Variants in RABGAP1L observed in about 807,000 individuals in gnomAD.
The protein encoded by RABGAP1L is RAB GTPase activating protein 1 like.
In RABGAP1L, 63 loss-of-function variants were observed where a neutral mutation model predicts 137.7. That is an observed-to-expected ratio of 0.46 (90% CI 0.37 to 0.56). RABGAP1L has a LOEUF of 0.56. Among genes scored for constraint, RABGAP1L ranks in the 20% least tolerant of loss-of-function variants. The probability of loss-of-function intolerance (pLI) is 0.00; values close to 1 mark genes in which losing one functional copy is unlikely to be tolerated. For missense variants in RABGAP1L, 1,095 were observed against 1,244.0 expected, an observed-to-expected ratio of 0.88 and a Z score of 1.80; for synonymous variants, 431 against 433.7, an observed-to-expected ratio of 0.99 and a Z score of 0.08.
At chr1:174,543,540 CTT>C (rs1219542257) in intron 13 of RABGAP1L, among the ~76,000 whole-genome samples, 2 of 152,182 alleles carry the variant, frequency 1.3e-5, no homozygotes, top group African/African-American at 4.8e-5. Flanking sequence ...GTTCTTGACT[CTT>C]TATCCAATTT....
intron 18 of RABGAP1L, among the ~76,000 whole-genome samples, chr1:174,763,079 C>T (rs1355433304): frequency 2.0e-5 from 3 of 151,752 alleles, no homozygotes; most frequent in South Asian, 4.2e-4. Flanking sequence ...CCTCCCAAAG[C>T]GCTAGGATTA....
At chr1:174,617,542 T>C (rs1375096434) in intron 13 of RABGAP1L, among the ~76,000 whole-genome samples, 1 of 152,224 alleles carries the variant, frequency 6.6e-6, no homozygotes, top group Non-Finnish European at 1.5e-5. Flanking sequence ...ATTGATGTTG[T>C]TGTGATCCAT....
chr1:174,623,696 C>T (rs577754424), intron 13 of RABGAP1L, among the ~76,000 whole-genome samples: 14 of 152,306 alleles, frequency 9.2e-5, no homozygotes, highest in Admixed American at 3.3e-4. Context: ...CACATATTAC[C>T]TATGTGGCTG....
chr1:174,976,742 C>A (rs1670676342), intron 22 of RABGAP1L, among the ~76,000 whole-genome samples: 1 of 152,142 alleles, frequency 6.6e-6, no homozygotes, highest in Non-Finnish European at 1.5e-5. Flanking sequence ...TTGAAGTTAG[C>A]ACCCTACACT....
chr1:174,332,714 T>C (rs576221897), intron 11 of RABGAP1L, among the ~76,000 whole-genome samples: 2 of 152,022 alleles, frequency 1.3e-5, no homozygotes, highest in East Asian at 1.9e-4. Flanking sequence ...GGAACTCTTA[T>C]ATGCTATTGG....
chr1:174,961,566 C>T (rs979383883), intron 20 of RABGAP1L, among the ~76,000 whole-genome samples: 5 of 152,066 alleles, frequency 3.3e-5, no homozygotes, highest in African/African-American at 9.7e-5. Context: ...GCTAATTGGC[C>T]GGGCATGGTG....
chr1:174,719,676 A>G (rs1412275306), intron 17 of RABGAP1L, among the ~76,000 whole-genome samples: 1 of 152,200 alleles, frequency 6.6e-6, no homozygotes, highest in Non-Finnish European at 1.5e-5. Flanking sequence ...ACTGGGATGA[A>G]CTGCAGAGTA....
chr1:174,627,904 G>T (rs1373377544), intron 13 of RABGAP1L, among the ~76,000 whole-genome samples: 3 of 151,792 alleles, frequency 2.0e-5, no homozygotes, highest in Non-Finnish European at 4.4e-5. Context: ...TGGTGGTGAT[G>T]GTCCAGAAAG....
At position 174,534,657 on chromosome 1, in the gene RABGAP1L, C is replaced by T. The variant is rs1329415044; in HGVS notation, c.1711-102718C>T. 3.3e-5 allele frequency among the ~76,000 whole-genome samples: 5 copies of T among 151,286 alleles called. No homozygotes were observed. The South Asian group carries it at 6.3e-4, about 19-fold the overall frequency. On this transcript the variant is annotated intron_variant, in intron 13 of 25. Coordinates refer to ENST00000681986, the MANE Select transcript of RABGAP1L (RefSeq NM_001366446.1). Reference sequence around the variant, plus strand: ...GGGCATGGTGTCATGTACCTATAATCGCATCTACTCGGGAGGCTGAGGCAG... The same window carrying T: ...GGGCATGGTGTCATGTACCTATAATTGCATCTACTCGGGAGGCTGAGGCAG...
intron 13 of RABGAP1L, among the ~76,000 whole-genome samples, chr1:174,527,860 A>C (rs934133972): frequency 2.8e-5 from 4 of 143,360 alleles, no homozygotes; most frequent in Admixed American, 6.9e-5. Flanking sequence ...ATATCCTCTT[A>C]TCCTCCTCCT....
intron 13 of RABGAP1L, among the ~76,000 whole-genome samples, chr1:174,417,224 A>G (rs1443123468): frequency 6.6e-6 from 1 of 152,114 alleles, no homozygotes; most frequent in East Asian, 1.9e-4. Context: ...TGGACACATA[A>G]TACGTATACT....
At chr1:174,534,623 A>C (rs1357497476) in intron 13 of RABGAP1L, among the ~76,000 whole-genome samples, 1 of 151,672 alleles carries the variant, frequency 6.6e-6, no homozygotes, top group Non-Finnish European at 1.5e-5. Context: ...CTAAATACAA[A>C]AATTAGCCGG....
At chr1:174,174,543 A>T (rs1360062279) in intron 1 of RABGAP1L, among the ~76,000 whole-genome samples, 1 of 152,206 alleles carries the variant, frequency 6.6e-6, no homozygotes, top group Non-Finnish European at 1.5e-5. Context: ...CCAGTAGCTC[A>T]TTTCAAGTCC....
In RABGAP1L at chr1:174,438,728, A is replaced by T. The variant is rs560121961; in HGVS notation, c.1710+44583A>T. Among the ~76,000 whole-genome samples the T allele has an allele frequency of 4.7e-4, 55 of 117,624 alleles. 1 individual carries two copies. The South Asian group carries it at 0.015, about 31-fold the overall frequency. 77.2% of individuals were successfully genotyped at this position (117,624 alleles called of 152,430 possible). On this transcript the variant is annotated intron_variant, in intron 13 of 25. Transcript: ENST00000681986. ...GCAAGACTCTGTCAAAAAAAACCCA[A>T]AAAAAGTGTGTGTGTGTATATATAT...
chr1:174,195,269 T>A (rs1334521646), intron 1 of RABGAP1L, among the ~76,000 whole-genome samples: 1 of 152,224 alleles, frequency 6.6e-6, no homozygotes, highest in Non-Finnish European at 1.5e-5. Context: ...TCTTGGCCCT[T>A]CCGAATATCC....
chr1:174,672,298 T>G (rs531385466), intron 14 of RABGAP1L, among the ~76,000 whole-genome samples: 3,104 of 126,086 alleles, frequency 0.025, 44 homozygotes, highest in Middle Eastern at 0.086. Flanking sequence ...TTTTTTTTTT[T>G]GATATGGAGT....
chr1:174,162,736 TC>T (rs1664572927), intron 1 of RABGAP1L, among the ~76,000 whole-genome samples: 1 of 150,622 alleles, frequency 6.6e-6, no homozygotes, highest in Admixed American at 6.6e-5. Context: ...CCAAGGCTAT[TC>T]CAGGTGCTGG....
At chr1:174,195,837 TTC>T (rs1451663915) in intron 1 of RABGAP1L, among the ~76,000 whole-genome samples, 9 of 117,608 alleles carry the variant, frequency 7.7e-5, no homozygotes, top group African/African-American at 2.7e-4. Context: ...ATCCTTCTTC[TTC>T]TTTTTTTTTT....
intron 14 of RABGAP1L, among the ~76,000 whole-genome samples, chr1:174,673,778 G>C (rs1461909054): frequency 6.6e-6 from 1 of 152,112 alleles, no homozygotes; most frequent in African/African-American, 2.4e-5. Context: ...TTCTTATATG[G>C]ACTGGGGTTC....
Sources: allele counts gnomAD v4.1 joint callset (sites outside exome capture counted in the v4.1 genomes callset), GRCh38; gene constraint gnomAD v4.1.1; transcripts MANE v1.5; gene names NCBI Gene and HGNC (gene_info 2026-07-23, HGNC 2026-07-21).